The following JMJD1C variants were observed in gnomAD, a reference collection of about 807,000 sequenced individuals.
JMJD1C encodes jumonji domain-containing protein 1C.
Under a neutral mutation model 245.3 loss-of-function variants are expected in JMJD1C, and 31 were observed. The ratio of observed to expected loss-of-function variants is 0.13; its 90% confidence interval spans 0.09 to 0.17. The LOEUF (loss-of-function observed/expected upper bound fraction) is 0.17, where lower values mean the gene tolerates loss of function less well. JMJD1C is among the 10% of genes least tolerant of loss of function. The pLI is 1.00. For missense variants in JMJD1C, 2,691 were observed against 3,000.2 expected, an observed-to-expected ratio of 0.90 and a Z score of 2.41; for synonymous variants, 1,057 against 1,017.4, an observed-to-expected ratio of 1.04 and a Z score of -0.74.
intron 1 of JMJD1C, among the ~76,000 whole-genome samples, chr10:63,383,903 A>T (rs1199902707): frequency 1.3e-5 from 2 of 152,274 alleles, no homozygotes; most frequent in South Asian, 2.1e-4. Flanking sequence ...TTAAAATAAG[A>T]CAACAAAAGT....
chr10:63,213,366 A>C (rs563780984), intron 8 of JMJD1C, 107 bp downstream of exon 8: 1 of 731,934 alleles, frequency 1.4e-6, no homozygotes, highest in East Asian at 2.6e-5. Context: ...AAATTCTAAC[A>C]TATTTTATAA....
At position 63,190,489 on chromosome 10, in the gene JMJD1C, G is replaced by A. The variant is rs537719789; in HGVS notation, c.6291+405C>T. Among the ~76,000 whole-genome samples, 18 of 152,204 alleles carry A rather than the reference G, an allele frequency of 1.2e-4. No individual in the cohort carries two copies. In the East Asian group the frequency reaches 2.3e-3, roughly 20 times the overall value. ...AGTGCTGGGATTACAGGTGTGAGCC[G>A]CCGCACCCGGCCCCCCATATAGTTT... On this transcript the variant is annotated intron_variant, in intron 17 of 25. Transcript: ENST00000399262.
intron 1 of JMJD1C, among the ~76,000 whole-genome samples, chr10:63,516,994 T>C (rs944316297): frequency 2.0e-5 from 3 of 152,226 alleles, no homozygotes; most frequent in Admixed American, 6.5e-5. Flanking sequence ...AGCTTTCTTC[T>C]GTTATGTCAG....
rs185680998 is a variant in JMJD1C, at chr10:63,244,136, G to A, written c.447+20515C>T. Among the ~76,000 whole-genome samples the A allele has an allele frequency of 5.6e-4, 85 of 152,298 alleles. 1 individual carries two copies. Among genetic ancestry groups the A allele is most frequent in the Non-Finnish European group, 5.3e-4 (36 of 68,026 alleles). On this transcript the variant is annotated intron_variant, in intron 3 of 25. Transcript: ENST00000399262. ...AGAAGGACTACCATCCCCAGTCCTG[G>A]AAACTCTGCTCCATAAATTAGACAA...
chr10:63,304,902 C>T (rs1277008864), intron 2 of JMJD1C, among the ~76,000 whole-genome samples: 3 of 151,974 alleles, frequency 2.0e-5, no homozygotes, highest in Non-Finnish European at 4.4e-5. Flanking sequence ...GGGAGGCTGA[C>T]GCAGGAGGAT....
chr10:63,292,144 ATTTTTTT>A (rs573065816), intron 2 of JMJD1C, among the ~76,000 whole-genome samples: 1 of 56,326 alleles, frequency 1.8e-5, no homozygotes, highest in African/African-American at 7.4e-5. Flanking sequence ...GTAGAGACAG[ATTTTTTT>A]TTTTTTTTTT....
chr10:63,513,635 G>A (rs7097698), intron 1 of JMJD1C, among the ~76,000 whole-genome samples: 100,368 of 152,026 alleles, frequency 0.66, 36,052 homozygotes, highest in Non-Finnish European at 0.81. Context: ...CATTTAGGCC[G>A]GGCACGGTGG....
intron 1 of JMJD1C, among the ~76,000 whole-genome samples, chr10:63,460,167 C>G (rs1054533097): frequency 6.6e-6 from 1 of 152,050 alleles, no homozygotes; most frequent in Non-Finnish European, 1.5e-5. Flanking sequence ...AGAATGGATA[C>G]TGCGGAGGGG....
intron 1 of JMJD1C, among the ~76,000 whole-genome samples, chr10:63,440,353 A>AT (rs1554937971): frequency 0.058 from 7,017 of 119,968 alleles, 228 homozygotes; most frequent in Non-Finnish European, 0.081. Context: ...AAAAAAAAAA[A>AT]ATATATATAT....
intron 2 of JMJD1C, among the ~76,000 whole-genome samples, chr10:63,307,134 C>A (rs1938362404): frequency 6.6e-6 from 1 of 151,626 alleles, no homozygotes; most frequent in Non-Finnish European, 1.5e-5. Flanking sequence ...GTGTCCACAA[C>A]AAATAATTCT....
intron 1 of JMJD1C, among the ~76,000 whole-genome samples, chr10:63,463,462 T>C (rs1952941933): frequency 1.3e-5 from 2 of 152,180 alleles, no homozygotes; most frequent in Non-Finnish European, 2.9e-5. Context: ...CCACTGTGCC[T>C]AGCCTAATTT....
At chr10:63,255,224 C>T (rs753193969) in intron 3 of JMJD1C, among the ~76,000 whole-genome samples, 1 of 152,200 alleles carries the variant, frequency 6.6e-6, no homozygotes, top group African/African-American at 2.4e-5. Context: ...CTTTCTCTGC[C>T]TACCACAGAA....
In JMJD1C at chr10:63,426,020, TC is replaced by T. The variant is rs754067652; in HGVS notation, c.168+39474del. The stretch of plus-strand genomic sequence containing the variant: ...AAGACATTTTTGTAGGCATTATTTT[TC>T]TATATTGTTCTTCTATATTTATTTT... On this transcript the variant is annotated intron_variant, in intron 1 of 25. Coordinates refer to ENST00000399262, the MANE Select transcript of JMJD1C (RefSeq NM_032776.3). Among the ~76,000 whole-genome samples, 129 of 152,222 alleles carry T rather than the reference TC, an allele frequency of 8.5e-4. 1 individual carries two copies. The highest frequency in any genetic ancestry group is 1.4e-3 in the Non-Finnish European group (97 of 68,046).
intron 3 of JMJD1C, among the ~76,000 whole-genome samples, chr10:63,251,177 T>C (rs1039052623): frequency 1.3e-5 from 2 of 152,204 alleles, no homozygotes; most frequent in African/African-American, 4.8e-5. Context: ...TCATCCTTGT[T>C]ATACAGAATT....
At chr10:63,439,299 G>C (rs1951228155) in intron 1 of JMJD1C, among the ~76,000 whole-genome samples, 1 of 152,146 alleles carries the variant, frequency 6.6e-6, no homozygotes, top group Non-Finnish European at 1.5e-5. Flanking sequence ...GTAATGTTCT[G>C]TTCCTGGCTT....
intron 13 of JMJD1C, among the ~76,000 whole-genome samples, chr10:63,195,878 G>A (rs1341548868): frequency 2.0e-5 from 3 of 152,148 alleles, no homozygotes; most frequent in East Asian, 1.9e-4. Flanking sequence ...GCAGTGAGCC[G>A]AGATTGCGCC....
rs753184375 is a variant in JMJD1C, at chr10:63,208,563, T to C, written c.3106A>G (p.Thr1036Ala). 8.1e-6 allele frequency: 13 copies of C among 1,614,026 alleles called. No individual in the cohort carries two copies. Among genetic ancestry groups the C allele is most frequent in the Middle Eastern group, 1.6e-4 (1 of 6,084 alleles). ...CCCTCAAGTCCCTTGATTTTAGTTG[T>C]AAAGGGAGCAACATCAATACTTTCT... ...LQESIDVAPF[T>A]TKIKGLEGER... The change falls in exon 10 of 26, where the codon ACA (threonine) becomes GCA (alanine). Residue 1036 changes from threonine (T) to alanine (A), a missense_variant. Physicochemically the swap from Thr to Ala is moderately conservative, Grantham distance 58. Transcript: ENST00000399262.
chr10:63,418,575 A>T (rs1949930176), intron 1 of JMJD1C, among the ~76,000 whole-genome samples: 1 of 152,226 alleles, frequency 6.6e-6, no homozygotes. Flanking sequence ...AAACCAGTTA[A>T]TATTTTCTAT....
chr10:63,294,017 C>T (rs1378187642), intron 2 of JMJD1C, among the ~76,000 whole-genome samples: 1 of 152,144 alleles, frequency 6.6e-6, no homozygotes. Context: ...TCTAACTCTT[C>T]CAACTGATCC....
Sources: gnomAD v4.1 joint callset for allele counts (sites outside exome capture counted in the v4.1 genomes callset) on GRCh38, gnomAD v4.1.1 for gene constraint, MANE v1.5 for transcripts, NCBI Gene and HGNC (gene_info 2026-07-23, HGNC 2026-07-21) for gene names.